Variants in ACACA observed in about 807,000 individuals in gnomAD.
ACACA encodes the protein acetyl-CoA carboxylase alpha, also known as acetyl-CoA carboxylase 1.
In ACACA, 103 loss-of-function variants were observed where a neutral mutation model predicts 296.1. The ratio of observed to expected loss-of-function variants is 0.35; its 90% CI spans 0.30 to 0.41. The LOEUF is 0.41. Among genes scored for constraint, ACACA ranks in the 10% least tolerant of loss-of-function variants. The probability of loss-of-function intolerance (pLI) is 1.00; values close to 1 mark genes in which losing one functional copy is unlikely to be tolerated. For missense variants in ACACA, 1,554 were observed against 2,989.7 expected, an observed-to-expected ratio of 0.52 and a Z score of 11.20; for synonymous variants, 953 against 1,038.6, an observed-to-expected ratio of 0.92 and a Z score of 1.58.
At chr17:37,378,860 G>A (rs552879845) in intron 1 of ACACA, among the ~76,000 whole-genome samples, 14 of 152,216 alleles carry the variant, frequency 9.2e-5, no homozygotes, top group South Asian at 4.1e-4. Context: ...CCAGGAGTTC[G>A]AGACCAGCTT....
chr17:37,210,809 A>C (rs953248006), intron 29 of ACACA, among the ~76,000 whole-genome samples: 1 of 151,974 alleles, frequency 6.6e-6, no homozygotes, highest in Non-Finnish European at 1.5e-5. Context: ...AGGCTGATGA[A>C]AATTAATTTA....
At chr17:37,118,915 T>C (rs1327666599) in intron 50 of ACACA, among the ~76,000 whole-genome samples, 1 of 152,144 alleles carries the variant, frequency 6.6e-6, no homozygotes, top group African/African-American at 2.4e-5. Flanking sequence ...TGAGCCAAAA[T>C]ATGTAGCAGA....
intron 27 of ACACA, among the ~76,000 whole-genome samples, chr17:37,224,628 T>C (rs2079452514): frequency 1.3e-5 from 2 of 152,072 alleles, no homozygotes; most frequent in African/African-American, 4.8e-5. Context: ...TCAAATATCA[T>C]AAATCATCAG....
chr17:37,129,610 TC>T, intron 46 of ACACA, 125 bp from the exon 47 acceptor site: 2 of 1,293,488 alleles, frequency 1.5e-6, no homozygotes, highest in Non-Finnish European at 2.2e-6. Context: ...ATAGTCCCAA[TC>T]TTCAGCTGGA....
chr17:37,272,080 A>C (rs1167881817), intron 9 of ACACA, among the ~76,000 whole-genome samples: 2 of 151,996 alleles, frequency 1.3e-5, no homozygotes, highest in African/African-American at 4.8e-5. Flanking sequence ...CCAGTGCTTC[A>C]CACCTGTAAT....
chr17:37,246,670 C>T (rs1244392227), intron 19 of ACACA, among the ~76,000 whole-genome samples, 156 bp downstream of exon 19: 2 of 152,028 alleles, frequency 1.3e-5, no homozygotes, highest in Non-Finnish European at 1.5e-5. Context: ...TGGGCTCAAG[C>T]GATCTTCCTG....
intron 50 of ACACA, among the ~76,000 whole-genome samples, chr17:37,120,567 A>G (rs2074481809): frequency 6.6e-6 from 1 of 152,080 alleles, no homozygotes; most frequent in Admixed American, 6.6e-5. Flanking sequence ...GCCTGGCCCT[A>G]TCCTATTGCT....
intron 41 of ACACA, among the ~76,000 whole-genome samples, chr17:37,164,041 C>T (rs1256020820): frequency 6.6e-6 from 1 of 151,872 alleles, no homozygotes; most frequent in Non-Finnish European, 1.5e-5. Flanking sequence ...TAATGTTTTC[C>T]ATTCTTTTTT....
chr17:37,278,145 C>G, intron 5 of ACACA, 140 bp from the exon 6 acceptor site: 4 of 714,422 alleles, frequency 5.6e-6, no homozygotes, highest in Non-Finnish European at 1.0e-5. Context: ...TTTCCAGGAC[C>G]ATTTAGTTCG....
At chr17:37,293,157 A>T (rs1411114362) in intron 3 of ACACA, among the ~76,000 whole-genome samples, 1 of 152,244 alleles carries the variant, frequency 6.6e-6, no homozygotes, top group Non-Finnish European at 1.5e-5. Flanking sequence ...ATATTTTATT[A>T]TCTAAACTTT....
intron 1 of ACACA, among the ~76,000 whole-genome samples, chr17:37,381,714 G>A (rs1021507540): frequency 7.0e-6 from 1 of 142,362 alleles, no homozygotes; most frequent in Non-Finnish European, 1.5e-5. Flanking sequence ...TGCAAGCTCC[G>A]CCTCTCGGGT....
chr17:37,115,518 G>T (rs2074202336), intron 50 of ACACA, among the ~76,000 whole-genome samples: 1 of 152,048 alleles, frequency 6.6e-6, no homozygotes, highest in Non-Finnish European at 1.5e-5. Flanking sequence ...GAAAAAAAAA[G>T]TTAGAGGTAA....
intron 17 of ACACA, among the ~76,000 whole-genome samples, 168 bp from the exon 18 acceptor site, chr17:37,248,324 A>G (rs1359953138): frequency 6.6e-6 from 1 of 152,226 alleles, no homozygotes; most frequent in East Asian, 1.9e-4. Flanking sequence ...TCCTGCTGTA[A>G]GCAAAGAGGG....
chr17:37,355,849 ACT>A (rs2049116684), intron 1 of ACACA, among the ~76,000 whole-genome samples: 1 of 148,714 alleles, frequency 6.7e-6, no homozygotes, highest in African/African-American at 2.5e-5. Flanking sequence ...CAAGAGTGAA[ACT>A]CTGTCTCAAA....
chr17:37,211,151 A>C (rs1336158873), intron 29 of ACACA, among the ~76,000 whole-genome samples: 1 of 152,230 alleles, frequency 6.6e-6, no homozygotes, highest in Admixed American at 6.5e-5. Flanking sequence ...GCAGGAAAGT[A>C]ATGATAAATG....
chr17:37,194,602 A>T (rs1269027558), intron 35 of ACACA, among the ~76,000 whole-genome samples: 1 of 152,144 alleles, frequency 6.6e-6, no homozygotes, highest in Non-Finnish European at 1.5e-5. Flanking sequence ...CTTTGATGAG[A>T]CAAAAACACA....
intron 25 of ACACA, among the ~76,000 whole-genome samples, chr17:37,229,431 G>A (rs1475546029): frequency 1.3e-5 from 2 of 151,630 alleles, no homozygotes; most frequent in Non-Finnish European, 2.9e-5. Flanking sequence ...AGCCTCCCGA[G>A]TACCTGGGAC....
chr17:37,264,653 C>A (rs751846470), intron 10 of ACACA, among the ~76,000 whole-genome samples: 1 of 152,182 alleles, frequency 6.6e-6, no homozygotes, highest in Non-Finnish European at 1.5e-5. Flanking sequence ...TAGCTTTTCT[C>A]TCTTCAAATA....
intron 24 of ACACA, among the ~76,000 whole-genome samples, chr17:37,237,084 T>C (rs1337879204): frequency 3.3e-5 from 5 of 152,188 alleles, no homozygotes; most frequent in Non-Finnish European, 1.5e-5. Flanking sequence ...AATGTATGTA[T>C]AGCTTAATTT....
Sources: allele counts gnomAD v4.1 joint callset (sites outside exome capture counted in the v4.1 genomes callset), GRCh38; gene constraint gnomAD v4.1.1; transcripts MANE v1.5; gene names NCBI Gene and HGNC (gene_info 2026-07-23, HGNC 2026-07-21).